Variants in ATL2 observed in about 807,000 individuals in gnomAD.
The protein encoded by ATL2 is atlastin GTPase 2, also known as atlastin-2.
A neutral mutation model predicts 73.9 loss-of-function variants in ATL2; 31 were observed. The observed-to-expected ratio is 0.42, with a 90% CI of 0.32 to 0.57. ATL2 has a LOEUF of 0.57. Ranked by LOEUF, ATL2 falls within the 20% of genes least tolerant of loss-of-function variation. The probability of loss-of-function intolerance (pLI) is 0.14; values close to 1 mark genes in which losing one functional copy is unlikely to be tolerated. For synonymous variants in ATL2, 291 were observed against 237.5 expected (o/e 1.23, Z -2.07); for missense variants, 738 against 702.6 (o/e 1.05, Z -0.57).
intron 1 of ATL2, among the ~76,000 whole-genome samples, chr2:38,356,264 G>T (rs1573563310): frequency 6.6e-6 from 1 of 151,838 alleles, no homozygotes; most frequent in South Asian, 2.1e-4. Context: ...CATCGACCAG[G>T]CTGGAGTGCA....
chr2:38,298,657 G>C, intron 11 of ATL2, 82 bp from the exon 12 acceptor site: 1 of 1,440,828 alleles, frequency 6.9e-7, no homozygotes, highest in Non-Finnish European at 9.4e-7. Flanking sequence ...TTTAGTCTCA[G>C]AAAGTCAAAC....
rs997824121 is a variant in ATL2, at chr2:38,296,867, T to C, written c.1633-754A>G. Among the ~76,000 whole-genome samples, 9 of 152,224 alleles carry C rather than the reference T, an allele frequency of 5.9e-5. No individual in the cohort carries two copies. The South Asian group carries it at 1.7e-3, about 28-fold the overall frequency. On this transcript the variant is annotated intron_variant, in intron 12 of 12. Coordinates refer to ENST00000378954, the MANE Select transcript of ATL2 (RefSeq NM_001135673.4). ...TGTAATAATGGTACCTCCAAAATCC[T>C]AGAATCAATGCTGTTTAAGAGATGA...
rs77008019 is a variant in ATL2, at chr2:38,334,362, A to C, written c.363+8906T>G. On this transcript the variant is annotated intron_variant, in intron 2 of 12. Transcript: ENST00000378954. The stretch of plus-strand genomic sequence containing the variant: ...CTTATCTTATATTCAGGTAATAATA[A>C]TAAGCAGCAGCAGCCCACAATTTTT... Among the ~76,000 whole-genome samples, 1,042 of 152,012 alleles carry C rather than the reference A, an allele frequency of 6.9e-3. 13 individuals carry two copies. Among genetic ancestry groups the C allele is most frequent in the East Asian group, 0.057 (295 of 5,170 alleles).
At chr2:38,357,930 T>C (rs571294776) in intron 1 of ATL2, among the ~76,000 whole-genome samples, 3 of 152,302 alleles carry the variant, frequency 2.0e-5, no homozygotes, top group Non-Finnish European at 4.4e-5. Flanking sequence ...ATTAAACCAC[T>C]GTTTGGGGGG....
chr2:38,319,615 AAGAG>A (rs74780180), intron 2 of ATL2, among the ~76,000 whole-genome samples: 14,212 of 149,320 alleles, frequency 0.095, 1,852 homozygotes, highest in African/African-American at 0.31. Context: ...AAAAAAAAAA[AAGAG>A]AGAGAGAGAG....
intron 2 of ATL2, among the ~76,000 whole-genome samples, chr2:38,334,277 G>A (rs957130904): frequency 6.6e-6 from 1 of 151,706 alleles, no homozygotes; most frequent in African/African-American, 2.4e-5. Context: ...CAGTCGACTT[G>A]CCTCGGCCTC....
chr2:38,343,352 G>T lies in ATL2; in HGVS notation c.279C>A (p.Asn93Lys). Residue 93 changes from asparagine (N) to lysine (K), a missense_variant, in exon 2 of 13, where the codon AAC (asparagine) becomes AAA (lysine). Coordinates refer to ENST00000378954, the MANE Select transcript of ATL2 (RefSeq NM_001135673.4). ...CTCCTGCCACAGATACCACTACTATGTTAAGATCTCGTATGTGCTCCTGTA... is the reference window on the plus strand; with the variant it reads ...CTCCTGCCACAGATACCACTACTATTTTAAGATCTCGTATGTGCTCCTGTA... ...ILLQEHIRDLNIVVVSVAGAF... is the reference protein window; with the variant it reads ...ILLQEHIRDLKIVVVSVAGAF... 1 of 1,611,342 alleles carries T rather than the reference G, an allele frequency of 6.2e-7. No homozygotes were observed.
At position 38,331,123 on chromosome 2, in the gene ATL2, C is replaced by G. The variant is rs576090331; in HGVS notation, c.364-12104G>C. Reference sequence around the variant, plus strand: ...ACAAACCTGGGCAACACGGTGAAACCCTGTCTCTACTAACATACAAAAAAA... The same window carrying G: ...ACAAACCTGGGCAACACGGTGAAACGCTGTCTCTACTAACATACAAAAAAA... On this transcript the variant is annotated intron_variant, in intron 2 of 12. Transcript: ENST00000378954. Among the ~76,000 whole-genome samples the G allele has an allele frequency of 3.3e-5, 5 of 151,954 alleles. No individual in the cohort carries two copies. In the South Asian group the frequency reaches 1.0e-3, roughly 32 times the overall value.
chr2:38,358,729 A>G (rs1254060941), intron 1 of ATL2: 2 of 162,042 alleles, frequency 1.2e-5, no homozygotes, highest in African/African-American at 2.4e-5. Context: ...TTAACATGAT[A>G]TACGGCTAGG....
intron 1 of ATL2, among the ~76,000 whole-genome samples, chr2:38,367,928 C>T (rs1315836067): frequency 1.1e-4 from 16 of 151,172 alleles, no homozygotes; most frequent in Admixed American, 8.6e-4. Context: ...CCACCACGCC[C>T]GGCCTAAAAC....
chr2:38,319,399 G>A (rs529137554), intron 2 of ATL2, among the ~76,000 whole-genome samples: 1 of 152,254 alleles, frequency 6.6e-6, no homozygotes, highest in Admixed American at 6.5e-5. Context: ...AGGAATTTGA[G>A]ACCAGCCTGG....
At chr2:38,318,480 A>G in intron 4 of ATL2, 55 bp downstream of exon 4, 2 of 1,365,746 alleles carry the variant, frequency 1.5e-6, no homozygotes, top group East Asian at 2.4e-5. Context: ...AAAGAAAAAA[A>G]AAAGGGGCCA....
At chr2:38,344,712 G>A (rs141465292) in intron 1 of ATL2, among the ~76,000 whole-genome samples, 41 of 152,232 alleles carry the variant, frequency 2.7e-4, no homozygotes, top group Middle Eastern at 3.4e-3. Flanking sequence ...CTTACAATGA[G>A]TCCCTAATTT....
At chr2:38,308,448 A>G (rs539717841) in intron 9 of ATL2, among the ~76,000 whole-genome samples, 2 of 152,308 alleles carry the variant, frequency 1.3e-5, no homozygotes, top group South Asian at 2.1e-4. Flanking sequence ...GATGGTTACT[A>G]GAGTCTAGGA....
At chr2:38,350,591 GTAAAAC>G (rs1027653172) in intron 1 of ATL2, among the ~76,000 whole-genome samples, 9 of 152,254 alleles carry the variant, frequency 5.9e-5, no homozygotes, top group Admixed American at 3.3e-4. Context: ...GAACCATAAT[GTAAAAC>G]TATAGACTTT....
At chr2:38,346,121 A>T (rs1670003883) in intron 1 of ATL2, among the ~76,000 whole-genome samples, 1 of 152,198 alleles carries the variant, frequency 6.6e-6, no homozygotes, top group Non-Finnish European at 1.5e-5. Flanking sequence ...GCTGTCCTTG[A>T]CATATAGAGA....
chr2:38,301,399 C>T (rs1266164563), intron 9 of ATL2, among the ~76,000 whole-genome samples: 2 of 152,198 alleles, frequency 1.3e-5, no homozygotes, highest in African/African-American at 2.4e-5. Context: ...CATAAAAAAC[C>T]ACCTTCATAA....
chr2:38,345,220 T>C (rs990457648), intron 1 of ATL2, among the ~76,000 whole-genome samples: 1 of 152,214 alleles, frequency 6.6e-6, no homozygotes, highest in African/African-American at 2.4e-5. Flanking sequence ...ACATACGGTA[T>C]CCACTGTTTT....
At position 38,343,365 on chromosome 2, in the gene ATL2, A is replaced by G. The variant is rs769724488; in HGVS notation, c.266T>C (p.Ile89Thr). ...TACCACTACTATGTTAAGATCTCGT[A>G]TGTGCTCCTGTAGCAATATCTGCTC... Reference protein sequence around the residue: ...ALEQILLQEHIRDLNIVVVSV... With the variant: ...ALEQILLQEHTRDLNIVVVSV... The change falls in exon 2 of 13, where the codon ATA becomes ACA. Residue 89 changes from isoleucine to threonine, a missense_variant. By Grantham distance (89) the Ile-to-Thr change is moderately conservative. Transcript: ENST00000378954. 1.6e-5 allele frequency: 26 copies of G among 1,611,986 alleles called. No homozygotes were observed. The highest frequency in any genetic ancestry group is 1.9e-5 in the Non-Finnish European group (23 of 1,179,690).
Sources: gnomAD v4.1 joint callset for allele counts (sites outside exome capture counted in the v4.1 genomes callset) on GRCh38, gnomAD v4.1.1 for gene constraint, MANE v1.5 for transcripts, NCBI Gene and HGNC (gene_info 2026-07-23, HGNC 2026-07-21) for gene names.